Variants in EXOC4 observed in about 807,000 individuals in gnomAD.
EXOC4 encodes SEC8-like 1.
Under a neutral mutation model 107.2 loss-of-function variants are expected in EXOC4, and 71 were observed. That is an observed-to-expected ratio of 0.66 (90% CI 0.55 to 0.81). The LOEUF (loss-of-function observed/expected upper bound fraction) is 0.81, where lower values mean the gene tolerates loss of function less well. Among genes scored for constraint, EXOC4 ranks in the 30% least tolerant of loss-of-function variants. EXOC4 has a pLI of 0.00. For synonymous variants in EXOC4, 456 were observed against 441.2 expected (o/e 1.03, Z -0.42); for missense variants, 1,108 against 1,189.6 (o/e 0.93, Z 1.01).
intron 1 of EXOC4, among the ~76,000 whole-genome samples, chr7:133,270,407 A>G (rs1290662349): frequency 6.6e-6 from 1 of 152,140 alleles, no homozygotes; most frequent in African/African-American, 2.4e-5. Flanking sequence ...TGTGAGTGTT[A>G]CCTGTTTTTG....
intron 7 of EXOC4, among the ~76,000 whole-genome samples, chr7:133,430,520 G>C (rs934237561): frequency 3.2e-4 from 48 of 152,106 alleles, no homozygotes; most frequent in Non-Finnish European, 6.0e-4. Flanking sequence ...TTCATCAGTT[G>C]GTGGACATCT....
At chr7:133,962,988 A>C (rs1322060595) in intron 14 of EXOC4, among the ~76,000 whole-genome samples, 1 of 152,244 alleles carries the variant, frequency 6.6e-6, no homozygotes, top group Admixed American at 6.5e-5. Flanking sequence ...TGATCCAAAG[A>C]GGATTTCAAT....
At chr7:133,829,980 A>G (rs1196126339) in intron 11 of EXOC4, among the ~76,000 whole-genome samples, 2 of 151,736 alleles carry the variant, frequency 1.3e-5, no homozygotes, top group Admixed American at 1.3e-4. Context: ...CTTCATTTTT[A>G]TCTCCTTTTT....
intron 7 of EXOC4, among the ~76,000 whole-genome samples, chr7:133,401,911 A>G (rs1797099085): frequency 6.6e-6 from 1 of 152,180 alleles, no homozygotes; most frequent in Non-Finnish European, 1.5e-5. Flanking sequence ...ATCACTACCC[A>G]AAACACATTA....
At chr7:133,740,146 A>G (rs981724501) in intron 10 of EXOC4, among the ~76,000 whole-genome samples, 6 of 152,184 alleles carry the variant, frequency 3.9e-5, no homozygotes, top group African/African-American at 1.4e-4. Context: ...TACAAGCATG[A>G]TAATAGTAAT....
chr7:134,076,032 A>G, the EXOC4 span, among the ~76,000 whole-genome samples: 1 of 152,190 alleles, frequency 6.6e-6, no homozygotes, highest in Non-Finnish European at 1.5e-5. Flanking sequence ...ACTGATACAC[A>G]CAACGAAGAG....
chr7:133,927,162 C>T (rs1453083751), intron 13 of EXOC4, among the ~76,000 whole-genome samples: 3 of 151,602 alleles, frequency 2.0e-5, no homozygotes, highest in African/African-American at 7.3e-5. Flanking sequence ...GGGGAGGCCT[C>T]AGCCTTCAGT....
At chr7:133,953,691 G>A (rs1259643406) in intron 14 of EXOC4, among the ~76,000 whole-genome samples, 1 of 151,990 alleles carries the variant, frequency 6.6e-6, no homozygotes, top group Non-Finnish European at 1.5e-5. Context: ...GCCCTAGATA[G>A]TACCCTCCTT....
chr7:133,521,988 T>G (rs1456162900), intron 9 of EXOC4, among the ~76,000 whole-genome samples: 1 of 150,332 alleles, frequency 6.7e-6, no homozygotes, highest in Non-Finnish European at 1.5e-5. Context: ...TGGATTCAGT[T>G]TTTTTTTTTA....
intron 10 of EXOC4, among the ~76,000 whole-genome samples, chr7:133,684,672 T>G (rs1794256903): frequency 6.6e-6 from 1 of 152,194 alleles, no homozygotes; most frequent in Non-Finnish European, 1.5e-5. Flanking sequence ...AATAAACTTC[T>G]TTTTAAAAAA....
chr7:133,676,580 G>A (rs1794062037), intron 10 of EXOC4, among the ~76,000 whole-genome samples: 1 of 152,072 alleles, frequency 6.6e-6, no homozygotes, highest in African/African-American at 2.4e-5. Flanking sequence ...ATTGTGAGAG[G>A]ATCTAGCATG....
intron 17 of EXOC4, among the ~76,000 whole-genome samples, chr7:134,026,683 G>T (rs768047362): frequency 6.6e-6 from 1 of 152,222 alleles, no homozygotes; most frequent in East Asian, 1.9e-4. Flanking sequence ...GTTATGGAAA[G>T]ATATTTTTAT....
rs1584802170 is a variant in EXOC4, at chr7:133,313,788, T to C, written c.657-3496T>C. ...GTCCTTGAGGTTACAGTGGCAGTGG[T>C]TGTTGCTTGTTTTGGGTTTAATTTG... On this transcript the variant is annotated intron_variant, in intron 4 of 17. Transcript: ENST00000253861. Among the ~76,000 whole-genome samples, 3 of 152,242 alleles carry C rather than the reference T, an allele frequency of 2.0e-5. No homozygotes were observed. The South Asian group carries it at 6.2e-4, about 32-fold the overall frequency.
At chr7:134,064,220 G>A in intron 17 of EXOC4, 71 bp from the exon 18 acceptor site, 1 of 985,822 alleles carries the variant, frequency 1.0e-6, no homozygotes, top group Non-Finnish European at 1.5e-6. Context: ...TGTATAGACA[G>A]CGTATTTGTC....
intron 12 of EXOC4, among the ~76,000 whole-genome samples, chr7:133,907,067 A>T (rs980237357): frequency 1.8e-4 from 28 of 152,332 alleles, no homozygotes; most frequent in African/African-American, 6.7e-4. Flanking sequence ...CCCCCTGGTA[A>T]CAAGAACGGC....
intron 9 of EXOC4, among the ~76,000 whole-genome samples, chr7:133,567,252 AAT>A (rs200321581): frequency 5.3e-5 from 8 of 151,598 alleles, no homozygotes; most frequent in African/African-American, 1.4e-4. Context: ...TATATAAGCA[AAT>A]ATATATATAT....
intron 10 of EXOC4, among the ~76,000 whole-genome samples, chr7:133,666,500 T>C (rs1242492356): frequency 1.3e-5 from 2 of 152,098 alleles, no homozygotes; most frequent in Non-Finnish European, 2.9e-5. Context: ...CTGTCTTTTT[T>C]TCCCCTCCCT....
intron 10 of EXOC4, among the ~76,000 whole-genome samples, chr7:133,663,114 C>G (rs893929907): frequency 6.6e-6 from 1 of 152,162 alleles, no homozygotes; most frequent in Non-Finnish European, 1.5e-5. Flanking sequence ...ACCATTGTGA[C>G]CAGCTATTCT....
rs550540009 is a variant in EXOC4, at chr7:133,735,119, G to A, written c.1515-82206G>A. On this transcript the variant is annotated intron_variant, in intron 10 of 17. Transcript: ENST00000253861. ...TGTGTGCCTGTAATCCCAGCTACTC[G>A]GGAGGCTGAGGCAGGAGAATTGCTT... Among the ~76,000 whole-genome samples, 4 of 145,730 alleles carry A rather than the reference G, an allele frequency of 2.7e-5. No individual in the cohort carries two copies. In the South Asian group the frequency reaches 6.6e-4, roughly 24 times the overall value.
Sources: gnomAD v4.1 joint callset for allele counts (sites outside exome capture counted in the v4.1 genomes callset) on GRCh38, gnomAD v4.1.1 for gene constraint, MANE v1.5 for transcripts, NCBI Gene and HGNC (gene_info 2026-07-23, HGNC 2026-07-21) for gene names.